Variants in ZFHX4 observed in about 807,000 individuals in gnomAD.
ZFHX4 encodes the protein zinc finger homeobox 4.
Under a neutral mutation model 267.6 loss-of-function variants are expected in ZFHX4, and 56 were observed. The ratio of observed to expected loss-of-function variants is 0.21; its 90% CI spans 0.17 to 0.26. The LOEUF (loss-of-function observed/expected upper bound fraction) is 0.26. Ranked by LOEUF, ZFHX4 falls within the 10% of genes least tolerant of loss-of-function variation. ZFHX4 has a pLI of 1.00. For synonymous variants in ZFHX4, 1,778 were observed against 1,665.6 expected (o/e 1.07, Z -1.64); for missense variants, 4,332 against 4,420.0 (o/e 0.98, Z 0.56).
chr8:76,826,136 G>A (rs1419872874), intron 4 of ZFHX4, among the ~76,000 whole-genome samples: 2 of 152,304 alleles, frequency 1.3e-5, no homozygotes, highest in Middle Eastern at 3.4e-3. Context: ...AAGGCAAAGG[G>A]AAAGCAGGCA....
At chr8:76,810,204 T>C (rs1811340635) in intron 4 of ZFHX4, among the ~76,000 whole-genome samples, 1 of 152,210 alleles carries the variant, frequency 6.6e-6, no homozygotes, top group South Asian at 2.1e-4. Context: ...TCTCAGAACT[T>C]ATTTCATTTT....
In ZFHX4 at chr8:76,706,603, C is replaced by T; in HGVS notation, c.2515C>T (p.Pro839Ser). ...IGLTGMKLENPADPQLMINPF... is the reference protein window; with the variant it reads ...IGLTGMKLENSADPQLMINPF... ...CCTGACCGGAATGAAGCTGGAAAAC[C>T]CTGCCGACCCTCAGCTGATGATCAA... The change falls in exon 2 of 11, where the codon CCT becomes TCT. Residue 839 changes from proline to serine, a missense_variant. Transcript: ENST00000651372. 6.2e-7 allele frequency: 1 copy of T among 1,608,736 alleles called. No homozygotes were observed. The highest frequency in any genetic ancestry group is 8.5e-7 in the Non-Finnish European group (1 of 1,177,760).
At chr8:76,796,055 T>G (rs1005010443) in intron 4 of ZFHX4, among the ~76,000 whole-genome samples, 1 of 152,116 alleles carries the variant, frequency 6.6e-6, no homozygotes, top group African/African-American at 2.4e-5. Flanking sequence ...GAGAGAAATA[T>G]TAATTTATAG....
intron 4 of ZFHX4, among the ~76,000 whole-genome samples, chr8:76,792,736 G>T (rs984716239): frequency 6.6e-6 from 1 of 152,168 alleles, no homozygotes; most frequent in African/African-American, 2.4e-5. Flanking sequence ...ATTGTCTACT[G>T]GTTCTTAAGT....
At chr8:76,751,588 C>G (rs1174268379) in intron 3 of ZFHX4, among the ~76,000 whole-genome samples, 1 of 152,166 alleles carries the variant, frequency 6.6e-6, no homozygotes, top group Non-Finnish European at 1.5e-5. Flanking sequence ...GCTTTCTTTA[C>G]TTCACTTTTA....
intron 3 of ZFHX4, among the ~76,000 whole-genome samples, chr8:76,753,101 C>T (rs1809664759): frequency 6.6e-6 from 1 of 152,128 alleles, no homozygotes; most frequent in South Asian, 2.1e-4. Context: ...GTATTTCCTT[C>T]TGTATTGATT....
Position 76,865,665 on chromosome 8 carries a change from G to T in ZFHX4, c.*1100G>T, listed in dbSNP as rs932077093. On this transcript the variant is annotated 3_prime_UTR_variant, in exon 11 of 11. Transcript: ENST00000651372. ...ACAAGTTGAACAAAAATTATGAAAA[G>T]GTATATTTGCTTCTCGGGAAAGCAA... 6.6e-6 allele frequency: 1 copy of T among 152,246 alleles called. No homozygotes were observed. The highest frequency in any genetic ancestry group is 2.4e-5 in the African/African-American group (1 of 41,314). 9.4% of individuals were successfully genotyped at this position (152,246 alleles called of 1,614,324 possible).
At chr8:76,722,204 C>G (rs895431800) in intron 3 of ZFHX4, among the ~76,000 whole-genome samples, 1 of 151,936 alleles carries the variant, frequency 6.6e-6, no homozygotes, top group African/African-American at 2.4e-5. Flanking sequence ...GTAATTTTTT[C>G]TTTCTGTTTT....
At chr8:76,730,689 A>T (rs1808985163) in intron 3 of ZFHX4, among the ~76,000 whole-genome samples, 3 of 152,026 alleles carry the variant, frequency 2.0e-5, no homozygotes. Flanking sequence ...ACAGAGCGAG[A>T]CTCCATCTGA....
chr8:76,804,089 T>C (rs1811187786), intron 4 of ZFHX4, among the ~76,000 whole-genome samples: 2 of 152,032 alleles, frequency 1.3e-5, no homozygotes, highest in Non-Finnish European at 2.9e-5. Context: ...CATTAGAAAA[T>C]ATTCAAATGC....
chr8:76,753,420 A>T (rs1809675371), intron 3 of ZFHX4, among the ~76,000 whole-genome samples: 1 of 152,120 alleles, frequency 6.6e-6, no homozygotes, highest in Non-Finnish European at 1.5e-5. Context: ...TATTGCATAA[A>T]TAATACTTAT....
At chr8:76,814,514 C>A (rs980778752) in intron 4 of ZFHX4, among the ~76,000 whole-genome samples, 1 of 151,962 alleles carries the variant, frequency 6.6e-6, no homozygotes, top group Non-Finnish European at 1.5e-5. Flanking sequence ...CAGTTTTATA[C>A]GAAGAAGGTC....
intron 4 of ZFHX4, among the ~76,000 whole-genome samples, chr8:76,799,022 A>G (rs188566965): frequency 6.6e-6 from 1 of 152,196 alleles, no homozygotes; most frequent in African/African-American, 2.4e-5. Flanking sequence ...TCATATTTAC[A>G]ATAAGAATGT....
At chr8:76,765,501 T>G (rs1029990895) in intron 3 of ZFHX4, among the ~76,000 whole-genome samples, 6 of 152,098 alleles carry the variant, frequency 3.9e-5, no homozygotes, top group African/African-American at 1.4e-4. Context: ...TAATATATAT[T>G]GAATGAAATA....
intron 3 of ZFHX4, among the ~76,000 whole-genome samples, chr8:76,741,701 A>C (rs1809320032): frequency 6.6e-6 from 1 of 152,208 alleles, no homozygotes; most frequent in Non-Finnish European, 1.5e-5. Context: ...TGTGGTATAG[A>C]TAGAAATCGA....
chr8:76,855,683 C>A lies in ZFHX4; in HGVS notation c.8762C>A (p.Ser2921Tyr). The change falls in exon 10 of 11, where the codon TCC becomes TAC. Residue 2921 changes from serine (S) to tyrosine (Y), a missense_variant. Transcript: ENST00000651372. ...TTCGGATCCAGCAATCCCTTTAAAT[C>A]CAAAAGTAATGATCGGCCGGGTCAC... ...NPFGSSNPFK[S>Y]KSNDRPGHKR... The A allele has an allele frequency of 1.9e-6, 3 of 1,613,900 alleles. No homozygotes were observed. Among genetic ancestry groups the A allele is most frequent in the Non-Finnish European group, 2.5e-6 (3 of 1,179,850 alleles).
chr8:76,756,519 T>C (rs1809767006), intron 3 of ZFHX4, among the ~76,000 whole-genome samples: 1 of 152,194 alleles, frequency 6.6e-6, no homozygotes, highest in Admixed American at 6.5e-5. Context: ...AAATTTCTGA[T>C]GTTAGATGCC....
At chr8:76,836,024 T>C (rs1812083846) in intron 5 of ZFHX4, among the ~76,000 whole-genome samples, 1 of 152,176 alleles carries the variant, frequency 6.6e-6, no homozygotes, top group African/African-American at 2.4e-5. Context: ...CATCACACCG[T>C]AGACTTAGTT....
At chr8:76,830,627 T>A (rs781389494) in intron 4 of ZFHX4, among the ~76,000 whole-genome samples, 1 of 152,172 alleles carries the variant, frequency 6.6e-6, no homozygotes, top group African/African-American at 2.4e-5. Flanking sequence ...TTATTGAGGA[T>A]CTAAACATTC....
Sources: allele counts gnomAD v4.1 joint callset (sites outside exome capture counted in the v4.1 genomes callset), GRCh38; gene constraint gnomAD v4.1.1; transcripts MANE v1.5; gene names NCBI Gene and HGNC (gene_info 2026-07-23, HGNC 2026-07-21).